The following SSR1 variants were observed in gnomAD, a reference collection of about 807,000 sequenced individuals.
The protein encoded by SSR1 is signal sequence receptor subunit 1.
In SSR1, 13 loss-of-function variants were observed where a neutral mutation model predicts 36.1. That is an observed-to-expected ratio of 0.36 (90% CI 0.23 to 0.57). The LOEUF is 0.57. Ranked by LOEUF, SSR1 falls within the 20% of genes least tolerant of loss-of-function variation. The pLI is 0.81. For missense variants in SSR1, 291 were observed against 338.5 expected (o/e 0.86, Z 1.10); for synonymous variants, 113 against 118.9 (o/e 0.95, Z 0.32).
intron 4 of SSR1, among the ~76,000 whole-genome samples, chr6:7,300,500 G>A (rs1248361203): frequency 6.6e-6 from 1 of 152,070 alleles, no homozygotes; most frequent in African/African-American, 2.4e-5. Context: ...AAACTACATT[G>A]AAAATATATG....
At chr6:7,295,583 T>TG in intron 6 of SSR1, 98 bp from the exon 7 acceptor site, 1 of 831,090 alleles carries the variant, frequency 1.2e-6, no homozygotes, top group Non-Finnish European at 1.8e-6. Context: ...TTGCCCAGGC[T>TG]GCCTGGAACT....
intron 1 of SSR1, among the ~76,000 whole-genome samples, chr6:7,311,259 A>C (rs1315712715): frequency 6.6e-6 from 1 of 152,052 alleles, no homozygotes; most frequent in East Asian, 1.9e-4. Flanking sequence ...TAGTACTCTA[A>C]GTAAGTCACA....
chr6:7,295,027 C>T lies in SSR1; in HGVS notation c.793+365G>A, dbSNP rs987048020. On this transcript the variant is annotated intron_variant, in intron 7 of 7. Transcript: ENST00000244763. ...CATTAAACTTGACGTAAAATATTTA[C>T]GTGCTATTTGAGAGCCCCCAATTCT... is the stretch of plus-strand genomic sequence containing the variant. 51 of 1,394,118 alleles carry T rather than the reference C, an allele frequency of 3.7e-5. No individual in the cohort carries two copies. The East Asian group carries it at 8.1e-4, about 22-fold the overall frequency. 86.4% of individuals were successfully genotyped at this position (1,394,118 alleles called of 1,614,324 possible).
intron 2 of SSR1, among the ~76,000 whole-genome samples, chr6:7,306,448 A>AT (rs1209972180): frequency 6.6e-6 from 1 of 151,830 alleles, no homozygotes; most frequent in African/African-American, 2.4e-5. Flanking sequence ...TGGCTAAATA[A>AT]TTTTTTTTAA....
intron 7 of SSR1, 42 bp downstream of exon 7, chr6:7,295,349 CT>C: frequency 6.8e-7 from 1 of 1,478,468 alleles, no homozygotes; most frequent in Non-Finnish European, 9.3e-7. Flanking sequence ...TTAATTTCCA[CT>C]TAAGAGAAAA....
intron 2 of SSR1, among the ~76,000 whole-genome samples, chr6:7,303,969 A>T (rs1265318254): frequency 6.6e-6 from 1 of 152,254 alleles, no homozygotes; most frequent in Non-Finnish European, 1.5e-5. Context: ...GACTCAAAAA[A>T]AAGAAATAAA....
Position 7,289,848 on chromosome 6 carries a change from T to C in SSR1, c.*16A>G, listed in dbSNP as rs368803812. 1.9e-6 allele frequency: 3 copies of C among 1,568,958 alleles called. No homozygotes were observed. Among genetic ancestry groups the C allele is most frequent in the Non-Finnish European group, 2.6e-6 (3 of 1,164,106 alleles). On this transcript the variant is annotated 3_prime_UTR_variant, in exon 8 of 8. Coordinates refer to ENST00000244763, the MANE Select transcript of SSR1 (RefSeq NM_003144.5). ...GGCAGGTTAAGTAAAGACCGAATTG[T>C]TGCACAAAGGAACATTTACTCATCA...
At chr6:7,296,121 A>C (rs1757789872) in intron 6 of SSR1, among the ~76,000 whole-genome samples, 1 of 152,236 alleles carries the variant, frequency 6.6e-6, no homozygotes, top group Admixed American at 6.5e-5. Flanking sequence ...AACCACCTCA[A>C]TTTAAGAACT....
In SSR1 at chr6:7,287,603, A is replaced by G. The variant is rs1757583813; in HGVS notation, c.*2261T>C. On this transcript the variant is annotated 3_prime_UTR_variant, in exon 8 of 8. Transcript: ENST00000244763. The stretch of plus-strand genomic sequence containing the variant: ...CATGCTTTATGAACACATTATTCTC[A>G]CACATCCGGGGATAGGTTTGATACA... 6.6e-6 allele frequency: 1 copy of G among 152,336 alleles called. No individual in the cohort carries two copies. The highest frequency in any genetic ancestry group is 6.5e-5 in the Admixed American group (1 of 15,282). 9.4% of individuals were successfully genotyped at this position (152,336 alleles called of 1,614,324 possible).
intron 6 of SSR1, among the ~76,000 whole-genome samples, chr6:7,295,788 A>G (rs564815428): frequency 1.3e-5 from 2 of 152,348 alleles, no homozygotes; most frequent in East Asian, 3.9e-4. Flanking sequence ...TATTAAAGGG[A>G]AGGAGAAAAT....
At position 7,289,494 on chromosome 6, in the gene SSR1, A is replaced by G; in HGVS notation, c.*370T>C. The G allele has an allele frequency of 4.6e-6, 1 of 218,096 alleles. No homozygotes were observed. Among genetic ancestry groups the G allele is most frequent in the Non-Finnish European group, 8.8e-6 (1 of 113,190 alleles). The allele number at this position is 218,096 out of a possible 1,614,324, so 13.5% of individuals were successfully genotyped here. A position where few individuals can be genotyped will look rare whatever the true frequency, so the allele number is the denominator to read the frequency against. On this transcript the variant is annotated 3_prime_UTR_variant, in exon 8 of 8. Coordinates refer to ENST00000244763, the MANE Select transcript of SSR1 (RefSeq NM_003144.5). ...AGGACATCAATAATCATAGTGGGTA[A>G]ATATTAACTGAGTTTTGGGGGAAAA...
intron 7 of SSR1, among the ~76,000 whole-genome samples, chr6:7,293,704 A>G (rs1757732597): frequency 6.6e-6 from 1 of 152,146 alleles, no homozygotes; most frequent in Non-Finnish European, 1.5e-5. Flanking sequence ...GTGAACCACC[A>G]CGCCTGGCCA....
intron 7 of SSR1, among the ~76,000 whole-genome samples, chr6:7,292,011 G>C (rs1310883431): frequency 6.6e-6 from 1 of 152,136 alleles, no homozygotes; most frequent in Non-Finnish European, 1.5e-5. Context: ...CGAGGATGCA[G>C]TGAGCCATGA....
Position 7,288,222 on chromosome 6 carries a change from G to C in SSR1, c.*1642C>G, listed in dbSNP as rs1022892602. On this transcript the variant is annotated 3_prime_UTR_variant, in exon 8 of 8. Transcript: ENST00000244763. The stretch of plus-strand genomic sequence containing the variant: ...GAATATATTCCTTGGGAATGTGAAG[G>C]GTCTCCTATATTACATTAAACAAAA... The C allele has an allele frequency of 6.6e-6, 1 of 152,044 alleles. No homozygotes were observed. The highest frequency in any genetic ancestry group is 1.5e-5 in the Non-Finnish European group (1 of 68,002). 9.4% of individuals were successfully genotyped at this position (152,044 alleles called of 1,614,324 possible).
At position 7,289,745 on chromosome 6, in the gene SSR1, T is replaced by A; in HGVS notation, c.*119A>T. On this transcript the variant is annotated 3_prime_UTR_variant, in exon 8 of 8. Coordinates refer to ENST00000244763, the MANE Select transcript of SSR1 (RefSeq NM_003144.5). ...ATCGCCACAGACTCTGATTGCTCAG[T>A]CCACACACAAGTAGGAGTTGCCTTC... 1.2e-6 allele frequency: 1 copy of A among 823,662 alleles called. No individual in the cohort carries two copies. 51.0% of individuals were successfully genotyped at this position (823,662 alleles called of 1,614,324 possible).
intron 7 of SSR1, among the ~76,000 whole-genome samples, chr6:7,293,213 A>T (rs1581627997): frequency 6.7e-6 from 1 of 149,106 alleles, no homozygotes; most frequent in East Asian, 2.0e-4. Flanking sequence ...CTATTATTTC[A>T]CTAGTTTTGA....
intron 7 of SSR1, chr6:7,294,954 TG>T: frequency 2.9e-6 from 2 of 684,712 alleles, no homozygotes; most frequent in South Asian, 2.7e-5. Context: ...CAAGTTATAC[TG>T]GGTAGTTTTT....
chr6:7,292,480 C>T (rs917191538), intron 7 of SSR1, among the ~76,000 whole-genome samples: 1 of 152,234 alleles, frequency 6.6e-6, no homozygotes, highest in African/African-American at 2.4e-5. Context: ...ACTGAAATCG[C>T]GGAACTGGTA....
At chr6:7,291,463 G>T (rs1390650656) in intron 7 of SSR1, among the ~76,000 whole-genome samples, 1 of 152,064 alleles carries the variant, frequency 6.6e-6, no homozygotes, top group African/African-American at 2.4e-5. Context: ...CAGGAAAACT[G>T]CCCTCACTTT....
Sources: gnomAD v4.1 joint callset for allele counts (sites outside exome capture counted in the v4.1 genomes callset) on GRCh38, gnomAD v4.1.1 for gene constraint, MANE v1.5 for transcripts, NCBI Gene and HGNC (gene_info 2026-07-23, HGNC 2026-07-21) for gene names.